Variants in NDUFB5 observed in about 807,000 individuals in gnomAD.
NDUFB5 encodes the protein NADH dehydrogenase [ubiquinone] 1 beta subcomplex subunit 5, mitochondrial.
In NDUFB5, 19 loss-of-function variants were observed where a neutral mutation model predicts 19.4. The ratio of observed to expected loss-of-function variants is 0.98; its 90% CI spans 0.68 to 1.43. The LOEUF (loss-of-function observed/expected upper bound fraction) is 1.43, where lower values mean the gene tolerates loss of function less well. Among genes scored for constraint, NDUFB5 ranks in the 40% most tolerant of loss-of-function variants. NDUFB5 has a pLI of 0.00. For missense variants in NDUFB5, 233 were observed against 236.5 expected, an observed-to-expected ratio of 0.99 and a Z score of 0.10; for synonymous variants, 80 against 82.6, an observed-to-expected ratio of 0.97 and a Z score of 0.17.
At position 179,624,791 on chromosome 3, in the gene NDUFB5, TTTTC is replaced by T. The variant is rs1271514148; in HGVS notation, c.*755_*758del. The stretch of plus-strand genomic sequence containing the variant: ...AACTGCATTTTTTAACATTATTTTC[TTTTC>T]TTTTTTTTTTTTTTTTTTTTTGACG... On this transcript the variant is annotated 3_prime_UTR_variant, in exon 6 of 6. Coordinates refer to ENST00000259037, the MANE Select transcript of NDUFB5 (RefSeq NM_002492.4). The T allele has an allele frequency of 2.7e-5, 3 of 112,200 alleles. No homozygotes were observed. The highest frequency in any genetic ancestry group is 2.0e-5 in the Non-Finnish European group (1 of 51,160). 7.0% of individuals were successfully genotyped at this position (112,200 alleles called of 1,614,324 possible).
At chr3:179,616,543 C>G (rs926054451) in intron 3 of NDUFB5, among the ~76,000 whole-genome samples, 4 of 151,628 alleles carry the variant, frequency 2.6e-5, no homozygotes, top group Admixed American at 1.3e-4. Flanking sequence ...CTCTGTCCCC[C>G]CCCCAAAAAA....
chr3:179,604,865 C>G lies in NDUFB5; in HGVS notation c.50C>G (p.Ala17Gly). 6.3e-7 allele frequency: 1 copy of G among 1,598,808 alleles called. No individual in the cohort carries two copies. Among genetic ancestry groups the G allele is most frequent in the Non-Finnish European group, 8.5e-7 (1 of 1,176,164 alleles). ...CGGGTTTCGGTTACTGCGGTGGCAG[C>G]TCTGTCTGGCCGGCCCCTTGGCACT... ...LRRVSVTAVA[A>G]LSGRPLGTRL... Residue 17 changes from alanine to glycine, a missense_variant, in exon 1 of 6, where the codon GCT becomes GGT. Ala to Gly is a moderately conservative substitution (Grantham distance 60). Transcript: ENST00000259037.
rs369213305 is a variant in NDUFB5 at position 179,604,856 on chromosome 3, C to T, written c.41C>T (p.Ala14Val). The T allele has an allele frequency of 1.9e-6, 3 of 1,603,144 alleles. No individual in the cohort carries two copies. The highest frequency in any genetic ancestry group is 1.7e-4 in the Middle Eastern group (1 of 5,984). Residue 14 changes from alanine to valine, a missense_variant, in exon 1 of 6, where the codon GCG becomes GTG. Physicochemically the swap from Ala to Val is moderately conservative, Grantham distance 64. Coordinates refer to ENST00000259037, the MANE Select transcript of NDUFB5 (RefSeq NM_002492.4). ...TTGTTGCGGCGGGTTTCGGTTACTG[C>T]GGTGGCAGCTCTGTCTGGCCGGCCC... is the stretch of plus-strand genomic sequence containing the variant. Reference protein sequence around the residue: ...MSLLRRVSVTAVAALSGRPLG... With the variant: ...MSLLRRVSVTVVAALSGRPLG...
Position 179,614,976 on chromosome 3 carries a change from G to T in NDUFB5, c.130G>T (p.Val44Phe), listed in dbSNP as rs960328631. 5 of 1,604,808 alleles carry T rather than the reference G, an allele frequency of 3.1e-6. No individual in the cohort carries two copies. In the African/African-American group the frequency reaches 6.7e-5, roughly 21 times the overall value. The part of the protein sequence containing the change: ...TRGFPKAAAP[V>F]RHSGDHGKRL... ...GGGTAATTCAATATTCCCAGCTCCT[G>T]TTCGACACAGTGGAGACCATGGGAA... Residue 44 changes from valine (V) to phenylalanine (F), a missense_variant, in exon 2 of 6, where the codon GTT becomes TTT. Coordinates refer to ENST00000259037, the MANE Select transcript of NDUFB5 (RefSeq NM_002492.4).
intron 1 of NDUFB5, among the ~76,000 whole-genome samples, chr3:179,613,270 CA>C (rs1719294509): frequency 1.3e-5 from 2 of 152,166 alleles, no homozygotes; most frequent in African/African-American, 4.8e-5. Flanking sequence ...TGCTTACAGT[CA>C]ATCAAGTACC....
intron 2 of NDUFB5, 133 bp from the exon 3 acceptor site, chr3:179,615,850 A>G (rs985980833): frequency 7.2e-6 from 5 of 692,962 alleles, no homozygotes; most frequent in Middle Eastern, 2.4e-4. Flanking sequence ...ACAGAAATCA[A>G]TAATTTGGTA....
At chr3:179,614,487 T>G (rs1050474887) in intron 1 of NDUFB5, among the ~76,000 whole-genome samples, 2 of 152,112 alleles carry the variant, frequency 1.3e-5, no homozygotes, top group Non-Finnish European at 2.9e-5. Flanking sequence ...TGGAATAATT[T>G]AAATTAAATG....
chr3:179,619,143 T>G (rs1449598636), intron 5 of NDUFB5, among the ~76,000 whole-genome samples: 1 of 151,272 alleles, frequency 6.6e-6, no homozygotes, highest in Non-Finnish European at 1.5e-5. Flanking sequence ...TATATACATA[T>G]TAAAAAGCTA....
chr3:179,622,922 G>T (rs1228517824), intron 5 of NDUFB5, among the ~76,000 whole-genome samples: 1 of 152,236 alleles, frequency 6.6e-6, no homozygotes, highest in Admixed American at 6.5e-5. Flanking sequence ...AGATATGGAA[G>T]AGGGAAAGCA....
intron 1 of NDUFB5, among the ~76,000 whole-genome samples, chr3:179,605,793 C>CTT (rs1198004326): frequency 1.5e-5 from 2 of 135,132 alleles, no homozygotes; most frequent in South Asian, 2.4e-4. Context: ...ATAATACAGT[C>CTT]TTTTTTTTTT....
At chr3:179,610,070 GC>G (rs1375816202) in intron 1 of NDUFB5, among the ~76,000 whole-genome samples, 1 of 152,038 alleles carries the variant, frequency 6.6e-6, no homozygotes. Context: ...ATGCCACTCT[GC>G]CAGGCTATTT....
rs1216353352 is a variant in NDUFB5, at chr3:179,627,431, G to A, written c.*3391G>A. The A allele has an allele frequency of 6.6e-6, 1 of 152,146 alleles. No homozygotes were observed. Among genetic ancestry groups the A allele is most frequent in the African/African-American group, 2.4e-5 (1 of 41,404 alleles). 9.4% of individuals were successfully genotyped at this position (152,146 alleles called of 1,614,324 possible). On this transcript the variant is annotated 3_prime_UTR_variant, in exon 6 of 6. Coordinates refer to ENST00000259037, the MANE Select transcript of NDUFB5 (RefSeq NM_002492.4). ...CAGATAAACTCAAGTCGCAAAACAT[G>A]TTTTTCCTTGAAAAGTAAGAAATGA...
chr3:179,611,643 G>A (rs891009051), intron 1 of NDUFB5, among the ~76,000 whole-genome samples: 5 of 151,638 alleles, frequency 3.3e-5, no homozygotes, highest in Non-Finnish European at 7.4e-5. Context: ...CAGGTGATCC[G>A]CCCGCCTCAG....
chr3:179,623,913 G>T lies in NDUFB5; in HGVS notation c.450-7G>T. On this transcript the variant is annotated splice_region_variant and splice_polypyrimidine_tract_variant and intron_variant, in intron 5 of 5. Transcript: ENST00000259037. ...GAATCTCAATATTGCTGTTCCATTT[G>T]TTACAGGGTAAAGGAGCTGGAAGTG... The T allele has an allele frequency of 6.2e-7, 1 of 1,613,472 alleles. No homozygotes were observed. Among genetic ancestry groups the T allele is most frequent in the Non-Finnish European group, 8.5e-7 (1 of 1,179,812 alleles).
intron 2 of NDUFB5, 93 bp from the exon 3 acceptor site, chr3:179,615,890 A>G: frequency 9.8e-7 from 1 of 1,021,684 alleles, no homozygotes; most frequent in Non-Finnish European, 1.5e-6. Flanking sequence ...AGTTTATTTT[A>G]TAAGAAATAT....
chr3:179,606,121 T>C (rs981955623), intron 1 of NDUFB5, among the ~76,000 whole-genome samples: 1 of 152,298 alleles, frequency 6.6e-6, no homozygotes, highest in East Asian at 1.9e-4. Flanking sequence ...TATTTGGACC[T>C]CCTTGGAGAC....
rs547411211 is a variant in NDUFB5 at position 179,625,240 on chromosome 3, A to G, written c.*1200A>G. On this transcript the variant is annotated 3_prime_UTR_variant, in exon 6 of 6. Coordinates refer to ENST00000259037, the MANE Select transcript of NDUFB5 (RefSeq NM_002492.4). The stretch of plus-strand genomic sequence containing the variant: ...AAACATTCAGGATTTTCAAACCTGT[A>G]ACAGCTTATCAATGCATCTCATCTT... 1.3e-5 allele frequency: 2 copies of G among 152,332 alleles called. No individual in the cohort carries two copies. The highest frequency in any genetic ancestry group is 4.1e-4 in the South Asian group (2 of 4,830). The allele number at this position is 152,332 out of a possible 1,614,324, so 9.4% of individuals were successfully genotyped here. A position where few individuals can be genotyped will look rare whatever the true frequency, so the allele number is the denominator to read the frequency against.
At chr3:179,612,956 T>TAC (rs1270583744) in intron 1 of NDUFB5, among the ~76,000 whole-genome samples, 1 of 152,226 alleles carries the variant, frequency 6.6e-6, no homozygotes, top group Non-Finnish European at 1.5e-5. Flanking sequence ...GCTTCTAGTG[T>TAC]ATCAGATTAA....
At chr3:179,605,126 T>TAA (rs1719048049) in intron 1 of NDUFB5, among the ~76,000 whole-genome samples, 187 bp downstream of exon 1, 2 of 146,866 alleles carry the variant, frequency 1.4e-5, no homozygotes, top group East Asian at 2.1e-4. Context: ...AGATCGTGTT[T>TAA]ACATTATTAG....
Sources: gnomAD v4.1 joint callset for allele counts (sites outside exome capture counted in the v4.1 genomes callset) on GRCh38, gnomAD v4.1.1 for gene constraint, MANE v1.5 for transcripts, NCBI Gene and HGNC (gene_info 2026-07-23, HGNC 2026-07-21) for gene names.